GMDS: variants seen among roughly 807,000 people sequenced by gnomAD.
GMDS encodes GDP-mannose 4,6-dehydratase, also known as GDP-mannose 4,6 dehydratase.
A neutral mutation model predicts 49.9 loss-of-function variants in GMDS; 20 were observed. The ratio of observed to expected loss-of-function variants is 0.40; its 90% confidence interval spans 0.28 to 0.58. The LOEUF is 0.58. GMDS is among the 20% of genes least tolerant of loss of function. GMDS has a pLI of 0.42. For missense variants in GMDS, 362 were observed against 481.4 expected, an observed-to-expected ratio of 0.75 and a Z score of 2.32; for synonymous variants, 177 against 178.6, an observed-to-expected ratio of 0.99 and a Z score of 0.07.
intron 7 of GMDS, among the ~76,000 whole-genome samples, chr6:1,800,131 G>T (rs1179420251): frequency 1.3e-5 from 2 of 152,068 alleles, no homozygotes; most frequent in East Asian, 3.9e-4. Flanking sequence ...ATGGTGGTTG[G>T]CCTCTGAAAT....
chr6:2,114,050 T>A (rs759129743), intron 4 of GMDS, among the ~76,000 whole-genome samples: 1 of 152,078 alleles, frequency 6.6e-6, no homozygotes, highest in East Asian at 1.9e-4. Flanking sequence ...TCACTACAAC[T>A]AAGAAAACCA....
chr6:2,139,507 T>C (rs1776178774), intron 1 of GMDS, among the ~76,000 whole-genome samples: 1 of 152,210 alleles, frequency 6.6e-6, no homozygotes, highest in African/African-American at 2.4e-5. Context: ...ACATGTGGCT[T>C]ATAGCTATTG....
intron 4 of GMDS, among the ~76,000 whole-genome samples, chr6:1,985,547 C>T (rs1765496766): frequency 6.6e-6 from 1 of 151,176 alleles, no homozygotes; most frequent in South Asian, 2.1e-4. Flanking sequence ...ATATCTTAAA[C>T]CAAGAAAAAA....
chr6:1,769,207 C>T (rs778051457), intron 7 of GMDS, among the ~76,000 whole-genome samples: 15 of 152,200 alleles, frequency 9.9e-5, no homozygotes, highest in Admixed American at 7.2e-4. Flanking sequence ...ACTAATAGAA[C>T]TGGGTTTACG....
At chr6:2,075,501 C>G (rs939065476) in intron 4 of GMDS, among the ~76,000 whole-genome samples, 4 of 152,070 alleles carry the variant, frequency 2.6e-5, no homozygotes, top group Admixed American at 2.0e-4. Flanking sequence ...AGTGAGAACA[C>G]GCGATGTTTG....
At chr6:1,807,050 A>AT (rs895534334) in intron 7 of GMDS, among the ~76,000 whole-genome samples, 58 of 150,446 alleles carry the variant, frequency 3.9e-4, no homozygotes, top group African/African-American at 8.3e-4. Context: ...CAGAATTATA[A>AT]TTTTTTTTTT....
At chr6:1,955,583 G>A (rs964897278) in intron 6 of GMDS, among the ~76,000 whole-genome samples, 1 of 152,028 alleles carries the variant, frequency 6.6e-6, no homozygotes, top group Non-Finnish European at 1.5e-5. Context: ...TTTCACCAAC[G>A]GAGTGACTGG....
intron 4 of GMDS, among the ~76,000 whole-genome samples, chr6:1,975,917 G>T (rs4959162): frequency 6.6e-6 from 1 of 151,990 alleles, no homozygotes. Context: ...AGAAGCCTGA[G>T]GTTCCTGCAC....
chr6:2,239,625 T>TA (rs1781518625), intron 1 of GMDS, among the ~76,000 whole-genome samples: 1 of 152,004 alleles, frequency 6.6e-6, no homozygotes, highest in Non-Finnish European at 1.5e-5. Context: ...TAATCACATG[T>TA]AACAGTCTTT....
chr6:2,174,445 A>G (rs999412602), intron 1 of GMDS, among the ~76,000 whole-genome samples: 2 of 152,198 alleles, frequency 1.3e-5, no homozygotes, highest in Non-Finnish European at 2.9e-5. Context: ...TCAAGGATAA[A>G]GACCATGCTA....
At chr6:1,959,351 T>A (rs933657652) in intron 6 of GMDS, among the ~76,000 whole-genome samples, 10 of 152,358 alleles carry the variant, frequency 6.6e-5, no homozygotes, top group African/African-American at 2.4e-4. Flanking sequence ...GTCAATTTTT[T>A]AAAATCTTGT....
At chr6:1,980,033 G>A (rs1341253427) in intron 4 of GMDS, among the ~76,000 whole-genome samples, 1 of 152,162 alleles carries the variant, frequency 6.6e-6, no homozygotes, top group Non-Finnish European at 1.5e-5. Flanking sequence ...TCTTGCAAGA[G>A]CTCCTGAAGG....
intron 1 of GMDS, among the ~76,000 whole-genome samples, chr6:2,195,561 TAAAGTAAGTTTTTAA>T (rs1779240943): frequency 6.6e-6 from 1 of 152,202 alleles, no homozygotes; most frequent in East Asian, 1.9e-4. Context: ...TTTCAGGGGA[TAAAGTAAGTTTTTAA>T]AAGCCTTCTT....
At chr6:1,785,174 A>G (rs1444783875) in intron 7 of GMDS, among the ~76,000 whole-genome samples, 1 of 152,244 alleles carries the variant, frequency 6.6e-6, no homozygotes, top group Non-Finnish European at 1.5e-5. Context: ...AGGGTTATGT[A>G]TATAATTCAT....
intron 7 of GMDS, among the ~76,000 whole-genome samples, chr6:1,777,434 T>C (rs995094059): frequency 9.2e-5 from 14 of 152,262 alleles, no homozygotes; most frequent in African/African-American, 3.4e-4. Flanking sequence ...TATTTCTTCT[T>C]GATATACTTC....
At chr6:1,705,917 G>C (rs141926218) in intron 9 of GMDS, among the ~76,000 whole-genome samples, 34 of 152,290 alleles carry the variant, frequency 2.2e-4, no homozygotes, top group African/African-American at 7.9e-4. Context: ...GAAGGGTGGC[G>C]GCGCAGCAGG....
intron 4 of GMDS, among the ~76,000 whole-genome samples, chr6:2,047,306 A>AC (rs1770080916): frequency 2.0e-5 from 3 of 152,130 alleles, no homozygotes; most frequent in African/African-American, 7.2e-5. Flanking sequence ...TATCCTTGTG[A>AC]AGTGGATTCA....
At chr6:2,230,937 T>TCCC (rs1394372739) in intron 1 of GMDS, among the ~76,000 whole-genome samples, 9 of 20,606 alleles carry the variant, frequency 4.4e-4, no homozygotes, top group South Asian at 6.2e-3. Context: ...TCTTCCCCCC[T>TCCC]CCCACCCCCC....
At chr6:2,116,005 C>T (rs1035312292) in intron 3 of GMDS, 125 bp from the exon 4 acceptor site, 2 of 640,462 alleles carry the variant, frequency 3.1e-6, no homozygotes, top group Admixed American at 4.6e-5. Context: ...AAATGCTGTA[C>T]TGATGGTTCT....
Sources: gnomAD v4.1 joint callset for allele counts (sites outside exome capture counted in the v4.1 genomes callset) on GRCh38, gnomAD v4.1.1 for gene constraint, MANE v1.5 for transcripts, NCBI Gene and HGNC (gene_info 2026-07-23, HGNC 2026-07-21) for gene names.